TUT4: variants seen among roughly 807,000 people sequenced by gnomAD.
TUT4 encodes the protein terminal uridylyltransferase 4.
TUT4 carries 36 observed loss-of-function variants against 192.2 expected under a neutral mutation model. The observed-to-expected ratio is 0.19, with a 90% CI of 0.14 to 0.25. The LOEUF (loss-of-function observed/expected upper bound fraction) is 0.25. Among genes scored for constraint, TUT4 ranks in the 10% least tolerant of loss-of-function variants. The probability of loss-of-function intolerance (pLI) is 1.00; values close to 1 mark genes in which losing one functional copy is unlikely to be tolerated. For synonymous variants in TUT4, 618 were observed against 666.0 expected, an observed-to-expected ratio of 0.93 and a Z score of 1.11; for missense variants, 1,493 against 1,957.2, an observed-to-expected ratio of 0.76 and a Z score of 4.47.
intron 24 of TUT4, among the ~76,000 whole-genome samples, chr1:52,439,482 C>A (rs1000980577): frequency 6.6e-6 from 1 of 152,194 alleles, no homozygotes; most frequent in Non-Finnish European, 1.5e-5. Context: ...TGCACTGTCA[C>A]GAAGACTAGT....
At chr1:52,544,469 GA>G (rs1373483021) in intron 1 of TUT4, among the ~76,000 whole-genome samples, 2 of 152,122 alleles carry the variant, frequency 1.3e-5, no homozygotes, top group Non-Finnish European at 2.9e-5. Flanking sequence ...ATGGCGCTGG[GA>G]AAACTGGTAA....
At chr1:52,547,191 A>AAAT (rs1383400911) in intron 1 of TUT4, among the ~76,000 whole-genome samples, 1 of 149,682 alleles carries the variant, frequency 6.7e-6, no homozygotes, top group African/African-American at 2.5e-5. Flanking sequence ...TATCCAGAAT[A>AAAT]TATTGAGTTC....
chr1:52,481,693 A>G, intron 10 of TUT4, 58 bp from the exon 11 acceptor site: 1 of 1,533,100 alleles, frequency 6.5e-7, no homozygotes, highest in Non-Finnish European at 8.8e-7. Flanking sequence ...AAAAAAAAAA[A>G]GATGGACAAA....
intron 11 of TUT4, among the ~76,000 whole-genome samples, chr1:52,480,244 AG>A (rs1224418040): frequency 6.6e-6 from 1 of 152,218 alleles, no homozygotes; most frequent in African/African-American, 2.4e-5. Flanking sequence ...AGAGGAAAAA[AG>A]AAACCAGCAA....
chr1:52,470,569 C>T (rs1665466171), intron 14 of TUT4, among the ~76,000 whole-genome samples: 1 of 151,790 alleles, frequency 6.6e-6, no homozygotes, highest in Admixed American at 6.6e-5. Context: ...TACTCAGATA[C>T]AAGAAGAAAT....
chr1:52,527,469 C>A (rs555117484), intron 1 of TUT4, among the ~76,000 whole-genome samples: 3 of 151,702 alleles, frequency 2.0e-5, no homozygotes, highest in African/African-American at 7.2e-5. Flanking sequence ...TTGCTTGAAC[C>A]GGGACCCAGG....
chr1:52,505,594 G>T (rs11804580), intron 4 of TUT4, among the ~76,000 whole-genome samples: 1 of 151,498 alleles, frequency 6.6e-6, no homozygotes, highest in Non-Finnish European at 1.5e-5. Flanking sequence ...GCTAATTTTC[G>T]TATTTTTAGT....
intron 24 of TUT4, 53 bp from the exon 25 acceptor site, chr1:52,438,388 C>T: frequency 3.1e-6 from 4 of 1,301,360 alleles, no homozygotes; most frequent in Non-Finnish European, 4.3e-6. Context: ...ACTTTTGAAT[C>T]CAAATGGAAA....
At chr1:52,494,693 A>G (rs923422791) in intron 6 of TUT4, among the ~76,000 whole-genome samples, 26 of 152,238 alleles carry the variant, frequency 1.7e-4, no homozygotes, top group Non-Finnish European at 2.4e-4. Flanking sequence ...TTATGTCTCA[A>G]AAACAAACAA....
Position 52,525,626 on chromosome 1 carries a change from T to G in TUT4, c.655A>C (p.Thr219Pro), listed in dbSNP as rs977342750. 10 of 1,614,086 alleles carry G rather than the reference T, an allele frequency of 6.2e-6. No homozygotes were observed. In the African/African-American group the frequency reaches 1.2e-4, roughly 19 times the overall value. ...SPRSQKQQTC[T>P]DNTGDSDDSA... ...TCATCAGAATCACCAGTATTATCTGTACATGTCTGTTGCTTCTGAGATCGT... is the reference window on the plus strand; with the variant it reads ...TCATCAGAATCACCAGTATTATCTGGACATGTCTGTTGCTTCTGAGATCGT... Residue 219 changes from threonine to proline, a missense_variant, in exon 2 of 30, where the codon ACA (threonine) becomes CCA (proline). By Grantham distance (38) the Thr-to-Pro change is conservative. Coordinates refer to ENST00000257177, the MANE Select transcript of TUT4 (RefSeq NM_001009881.3).
chr1:52,442,497 C>T (rs1001566484), intron 24 of TUT4, among the ~76,000 whole-genome samples: 1 of 152,008 alleles, frequency 6.6e-6, no homozygotes, highest in Non-Finnish European at 1.5e-5. Flanking sequence ...GTTGAGAATC[C>T]CTTATCCAAA....
chr1:52,500,058 G>A (rs1673671828), intron 4 of TUT4, among the ~76,000 whole-genome samples: 1 of 151,258 alleles, frequency 6.6e-6, no homozygotes, highest in African/African-American at 2.4e-5. Context: ...GGAGGTGGAG[G>A]TTGCAGTGAG....
intron 16 of TUT4, chr1:52,463,079 T>C (rs1486160366): frequency 2.0e-6 from 2 of 983,204 alleles, no homozygotes; most frequent in African/African-American, 3.5e-5. Flanking sequence ...ATTATGCTAA[T>C]CTTAAAAGTT....
At chr1:52,438,607 C>T (rs1654515274) in intron 24 of TUT4, among the ~76,000 whole-genome samples, 1 of 152,156 alleles carries the variant, frequency 6.6e-6, no homozygotes, top group Non-Finnish European at 1.5e-5. Context: ...ATACTATTTT[C>T]ATCCTCACTT....
At chr1:52,462,779 A>G (rs1162950229) in intron 16 of TUT4, 29 of 985,104 alleles carry the variant, frequency 2.9e-5, no homozygotes, top group Non-Finnish European at 3.5e-5. Flanking sequence ...GTAAATTTAA[A>G]TGTGTTACTC....
At chr1:52,447,520 G>C (rs746885738) in intron 20 of TUT4, among the ~76,000 whole-genome samples, 8 of 150,218 alleles carry the variant, frequency 5.3e-5, no homozygotes, top group Non-Finnish European at 8.9e-5. Context: ...CTTACATTTT[G>C]ATAAAGACTA....
rs1490162816 is a variant in TUT4 at position 52,472,077 on chromosome 1, C to T, written c.2753G>A (p.Cys918Tyr). ...ATTCTTTGAATGGCCATCCTTTTTG[C>T]AGATGCTGCATACTATCGTTGGTGG... is the stretch of plus-strand genomic sequence containing the variant. ...GKPPTIVCSI[C>Y]KKDGHSKNDC... Residue 918 changes from cysteine (C) to tyrosine (Y), a missense_variant, in exon 14 of 30, where the codon TGC becomes TAC. Coordinates refer to ENST00000257177, the MANE Select transcript of TUT4 (RefSeq NM_001009881.3). 6.2e-7 allele frequency: 1 copy of T among 1,613,646 alleles called. No homozygotes were observed. The highest frequency in any genetic ancestry group is 1.7e-5 in the Admixed American group (1 of 60,004).
At chr1:52,435,828 T>G (rs1653574029) in intron 26 of TUT4, among the ~76,000 whole-genome samples, 1 of 152,102 alleles carries the variant, frequency 6.6e-6, no homozygotes, top group Admixed American at 6.6e-5. Flanking sequence ...GAGGATCACT[T>G]GAGTCCAGAA....
At chr1:52,528,028 T>A (rs1054999134) in intron 1 of TUT4, among the ~76,000 whole-genome samples, 1 of 150,704 alleles carries the variant, frequency 6.6e-6, no homozygotes. Context: ...AATACAAAAA[T>A]TAGCCGGGTA....
Sources: allele counts gnomAD v4.1 joint callset (sites outside exome capture counted in the v4.1 genomes callset), GRCh38; gene constraint gnomAD v4.1.1; transcripts MANE v1.5; gene names NCBI Gene and HGNC (gene_info 2026-07-23, HGNC 2026-07-21).